SBF2: variants seen among roughly 807,000 people sequenced by gnomAD.
The protein encoded by SBF2 is myotubularin-related protein 13.
SBF2 carries 112 observed loss-of-function variants against 225.2 expected under a neutral mutation model. That is an observed-to-expected ratio of 0.50 (90% confidence interval 0.43 to 0.58). The LOEUF is 0.58. SBF2 is among the 20% of genes least tolerant of loss of function. SBF2 has a pLI of 0.00. For missense variants in SBF2, 1,996 were observed against 2,206.2 expected, an observed-to-expected ratio of 0.90 and a Z score of 1.91; for synonymous variants, 763 against 773.3, an observed-to-expected ratio of 0.99 and a Z score of 0.22.
chr11:10,055,215 T>C (rs1177553259), intron 2 of SBF2, among the ~76,000 whole-genome samples: 3 of 152,176 alleles, frequency 2.0e-5, no homozygotes, highest in South Asian at 2.1e-4. Flanking sequence ...ATGGCTATTA[T>C]TAAAAAGTCA....
intron 28 of SBF2, among the ~76,000 whole-genome samples, chr11:9,821,876 T>G (rs887022378): frequency 6.6e-6 from 1 of 152,222 alleles, no homozygotes; most frequent in African/African-American, 2.4e-5. Flanking sequence ...CATTTCTTAC[T>G]GCGAGTCATG....
intron 6 of SBF2, among the ~76,000 whole-genome samples, chr11:10,007,567 C>A (rs1287419642): frequency 1.1e-4 from 17 of 152,174 alleles, no homozygotes; most frequent in Non-Finnish European, 5.9e-5. Flanking sequence ...ACAACCCTGA[C>A]CTTTGTTGGG....
At chr11:10,110,956 T>C (rs1224470667) in intron 2 of SBF2, among the ~76,000 whole-genome samples, 1 of 152,196 alleles carries the variant, frequency 6.6e-6, no homozygotes, top group Admixed American at 6.5e-5. Context: ...TAGCTAGTCA[T>C]ATATCAATGC....
chr11:9,924,825 T>G (rs776989422), intron 16 of SBF2, among the ~76,000 whole-genome samples: 2 of 152,156 alleles, frequency 1.3e-5, no homozygotes, highest in African/African-American at 2.4e-5. Context: ...CACAGCTCAC[T>G]GCAGCCTCCA....
chr11:10,016,968 A>G (rs1325009880), intron 6 of SBF2: 2 of 152,200 alleles, frequency 1.3e-5, no homozygotes, highest in African/African-American at 4.8e-5. Flanking sequence ...GTAGCCCAAC[A>G]TCCATTCAAA....
intron 16 of SBF2, chr11:9,959,688 G>A (rs1407859757): frequency 1.4e-5 from 10 of 726,440 alleles, no homozygotes; most frequent in East Asian, 5.7e-5. Flanking sequence ...GAGTACCATC[G>A]ATTCAGATAT....
intron 10 of SBF2, among the ~76,000 whole-genome samples, chr11:9,993,531 AC>A (rs1947534027): frequency 6.6e-6 from 1 of 152,228 alleles, no homozygotes; most frequent in African/African-American, 2.4e-5. Context: ...GACTCTTCAA[AC>A]TTGATTCTCT....
At chr11:10,084,692 T>C (rs1215626987) in intron 2 of SBF2, among the ~76,000 whole-genome samples, 1 of 152,194 alleles carries the variant, frequency 6.6e-6, no homozygotes, top group African/African-American at 2.4e-5. Context: ...TAAGTGTCCA[T>C]CAACGGATGA....
intron 2 of SBF2, among the ~76,000 whole-genome samples, chr11:10,087,863 T>C (rs1192051813): frequency 6.6e-6 from 1 of 152,226 alleles, no homozygotes; most frequent in Admixed American, 6.5e-5. Context: ...CAGCCATGAA[T>C]TGAATTGGTA....
At chr11:10,231,369 A>T (rs1958836725) in intron 1 of SBF2, among the ~76,000 whole-genome samples, 1 of 152,068 alleles carries the variant, frequency 6.6e-6, no homozygotes, top group Non-Finnish European at 1.5e-5. Flanking sequence ...GTTCCTTTGG[A>T]GGAGGAGAAG....
At chr11:10,149,220 G>T (rs1455412163) in intron 2 of SBF2, 1 of 152,106 alleles carries the variant, frequency 6.6e-6, no homozygotes, top group East Asian at 1.9e-4. Flanking sequence ...GACTTTTCAG[G>T]CTCAAGAAAG....
In SBF2 at chr11:10,020,747, G is replaced by C. The variant is rs540435714; in HGVS notation, c.619+7705C>G. 1.4e-4 allele frequency among the ~76,000 whole-genome samples: 21 copies of C among 152,118 alleles called. No homozygotes were observed. In the South Asian group the frequency reaches 4.2e-3, roughly 30 times the overall value. On this transcript the variant is annotated intron_variant, in intron 6 of 39. Transcript: ENST00000256190. ...TATCACAGAGAGAAGTTTTTCCAGGGAAAGACAAAAGTGAGACTACCAAAG... is the reference window on the plus strand; with the variant it reads ...TATCACAGAGAGAAGTTTTTCCAGGCAAAGACAAAAGTGAGACTACCAAAG...
intron 1 of SBF2, among the ~76,000 whole-genome samples, chr11:10,210,667 C>T (rs1279267478): frequency 6.6e-6 from 1 of 151,994 alleles, no homozygotes; most frequent in African/African-American, 2.4e-5. Context: ...CAGCAGACTC[C>T]CCAGGAATAA....
chr11:9,784,288 T>TAA, intron 38 of SBF2, 63 bp downstream of exon 38: 1 of 1,222,420 alleles, frequency 8.2e-7, no homozygotes, highest in Non-Finnish European at 1.2e-6. Flanking sequence ...TAGAGCCACA[T>TAA]AATAGCCAGG....
At chr11:9,892,796 T>C (rs1045748005) in intron 17 of SBF2, among the ~76,000 whole-genome samples, 4 of 152,126 alleles carry the variant, frequency 2.6e-5, no homozygotes, top group African/African-American at 7.2e-5. Context: ...CAACCTCAGG[T>C]GATCCGCCCG....
intron 2 of SBF2, among the ~76,000 whole-genome samples, chr11:10,167,848 T>C (rs933267139): frequency 3.3e-5 from 5 of 151,990 alleles, no homozygotes; most frequent in Non-Finnish European, 4.4e-5. Flanking sequence ...TGAAACCCCA[T>C]CTCTACTAAA....
intron 37 of SBF2, among the ~76,000 whole-genome samples, chr11:9,784,702 G>C (rs1216239595): frequency 6.6e-6 from 1 of 152,200 alleles, no homozygotes; most frequent in Admixed American, 6.5e-5. Flanking sequence ...CACAGAGAGA[G>C]GGCAAAGCAG....
At chr11:9,923,165 C>T (rs1407545324) in intron 16 of SBF2, among the ~76,000 whole-genome samples, 1 of 152,136 alleles carries the variant, frequency 6.6e-6, no homozygotes, top group Non-Finnish European at 1.5e-5. Flanking sequence ...TGAAGCGGTA[C>T]CCTTAAGGCA....
chr11:10,199,616 A>G (rs2135349013), intron 1 of SBF2, among the ~76,000 whole-genome samples: 1 of 152,328 alleles, frequency 6.6e-6, no homozygotes, highest in Middle Eastern at 3.4e-3. Context: ...TAAAAAGGAG[A>G]TTTAGTCAGA....
Sources: allele counts gnomAD v4.1 joint callset (sites outside exome capture counted in the v4.1 genomes callset), GRCh38; gene constraint gnomAD v4.1.1; transcripts MANE v1.5; gene names NCBI Gene and HGNC (gene_info 2026-07-23, HGNC 2026-07-21).